SUMF1: variants seen among roughly 807,000 people sequenced by gnomAD.
SUMF1 encodes sulfatase modifying factor 1.
Under a neutral mutation model 47.6 loss-of-function variants are expected in SUMF1, and 48 were observed. The observed-to-expected ratio is 1.01, with a 90% CI of 0.80 to 1.28. The LOEUF is 1.28. Among genes scored for constraint, SUMF1 ranks in the 50% most tolerant of loss-of-function variants. SUMF1 has a pLI of 0.00. For synonymous variants in SUMF1, 230 were observed against 192.1 expected, an observed-to-expected ratio of 1.20 and a Z score of -1.63; for missense variants, 571 against 485.4, an observed-to-expected ratio of 1.18 and a Z score of -1.66.
Position 4,124,475 on chromosome 3 carries a change from C to T in SUMF1, c.1015-55730G>A, listed in dbSNP as rs536925587. ...ATGTAAAATTTTAATTGTTCTAATC[C>T]CTTCCCTGTTGATTTCTTGCTACAA... On this transcript the variant is annotated intron_variant and NMD_transcript_variant, in intron 8 of 12. Coordinates refer to the SUMF1 transcript ENST00000448413. Among the ~76,000 whole-genome samples, 213 of 152,062 alleles carry T rather than the reference C, an allele frequency of 1.4e-3. 1 individual carries two copies. The highest frequency in any genetic ancestry group is 4.9e-3 in the African/African-American group (204 of 41,462).
intron 8 of SUMF1, among the ~76,000 whole-genome samples, chr3:4,362,770 T>C (rs1398311156): frequency 1.3e-5 from 2 of 152,050 alleles, no homozygotes; most frequent in East Asian, 3.9e-4. Context: ...AAAAATTAGC[T>C]GAGCATGGTG....
chr3:4,264,820 C>T (rs1697155952), intron 8 of SUMF1, among the ~76,000 whole-genome samples: 1 of 152,120 alleles, frequency 6.6e-6, no homozygotes, highest in Admixed American at 6.6e-5. Context: ...AGTCTGACCC[C>T]AACTCTCATC....
chr3:4,235,831 T>C (rs1174335550), intron 8 of SUMF1, among the ~76,000 whole-genome samples: 2 of 152,086 alleles, frequency 1.3e-5, no homozygotes, highest in African/African-American at 4.8e-5. Context: ...CATTCAACGC[T>C]GCCCTGAATC....
In SUMF1 at chr3:4,364,766, G is replaced by A. The variant is rs1575135542; in HGVS notation, c.1015-2512C>T. Among the ~76,000 whole-genome samples the A allele has an allele frequency of 2.0e-5, 3 of 151,318 alleles. No individual in the cohort carries two copies. The South Asian group carries it at 6.3e-4, about 32-fold the overall frequency. ...TTTAGTTATTTCTTGCCTTCTGCTAGCTTTTGAATGTGTTTGCTCTTGCTT... is the reference window on the plus strand; with the variant it reads ...TTTAGTTATTTCTTGCCTTCTGCTAACTTTTGAATGTGTTTGCTCTTGCTT... On this transcript the variant is annotated intron_variant, in intron 8 of 8. Coordinates refer to ENST00000272902, the MANE Select transcript of SUMF1 (RefSeq NM_182760.4).
chr3:4,457,068 A>ACGTGTGTGTACATG, intron 1 of SUMF1, among the ~76,000 whole-genome samples: 1 of 118,972 alleles, frequency 8.4e-6, no homozygotes, highest in Non-Finnish European at 2.1e-5. Flanking sequence ...GTATATATAT[A>ACGTGTGTGTACATG]TATATACGTG....
At chr3:4,432,507 C>T (rs1482007876) in intron 3 of SUMF1, among the ~76,000 whole-genome samples, 1 of 152,142 alleles carries the variant, frequency 6.6e-6, no homozygotes, top group Non-Finnish European at 1.5e-5. Context: ...ACTTCTCCAA[C>T]CTAACCCTGA....
intron 8 of SUMF1, among the ~76,000 whole-genome samples, chr3:4,224,393 T>C (rs1696130820): frequency 6.6e-6 from 1 of 152,074 alleles, no homozygotes; most frequent in African/African-American, 2.4e-5. Flanking sequence ...AAGGCATATT[T>C]TGGTGGCAAG....
At chr3:4,206,319 C>T (rs761757361) in intron 8 of SUMF1, among the ~76,000 whole-genome samples, 5 of 151,976 alleles carry the variant, frequency 3.3e-5, no homozygotes, top group Non-Finnish European at 7.3e-5. Context: ...CCCAGCAAAG[C>T]ACCAGAACTT....
chr3:4,079,140 G>A (rs1220085202), intron 8 of SUMF1, among the ~76,000 whole-genome samples: 1 of 152,002 alleles, frequency 6.6e-6, no homozygotes, highest in East Asian at 1.9e-4. Context: ...CACTAACCGC[G>A]AATTCAAGAT....
chr3:4,149,019 C>T (rs948474978), intron 8 of SUMF1, among the ~76,000 whole-genome samples: 5 of 151,604 alleles, frequency 3.3e-5, no homozygotes, highest in South Asian at 4.2e-4. Context: ...ACGAGAGAGA[C>T]CTGAAGTTAG....
At chr3:4,150,724 A>G (rs2125104847) in intron 8 of SUMF1, among the ~76,000 whole-genome samples, 1 of 151,660 alleles carries the variant, frequency 6.6e-6, no homozygotes, top group South Asian at 2.1e-4. Context: ...CAACAGTGAT[A>G]CCACTATGAA....
At chr3:4,410,768 G>T in intron 7 of SUMF1, 97 bp downstream of exon 7, 2 of 1,074,824 alleles carry the variant, frequency 1.9e-6, no homozygotes, top group Non-Finnish European at 2.9e-6. Context: ...TCCAGAGTAT[G>T]TAAATACCCC....
At chr3:4,156,180 T>A (rs1694447913) in intron 8 of SUMF1, among the ~76,000 whole-genome samples, 2 of 151,210 alleles carry the variant, frequency 1.3e-5, no homozygotes, top group South Asian at 4.2e-4. Context: ...AAGAAAGGAG[T>A]CATAGGAATT....
chr3:4,195,865 A>G (rs1695415958), intron 8 of SUMF1, among the ~76,000 whole-genome samples: 1 of 152,104 alleles, frequency 6.6e-6, no homozygotes. Context: ...TATCTTATCT[A>G]TGAAAAAACA....
chr3:4,257,843 G>A (rs182187519), intron 8 of SUMF1, among the ~76,000 whole-genome samples: 2,044 of 151,396 alleles, frequency 0.014, 30 homozygotes, highest in Non-Finnish European at 0.02. Context: ...GAAGCATCAC[G>A]CTACCTGACT....
intron 9 of SUMF1, among the ~76,000 whole-genome samples, chr3:4,055,553 G>C (rs1252264465): frequency 6.6e-6 from 1 of 152,080 alleles, no homozygotes; most frequent in Non-Finnish European, 1.5e-5. Flanking sequence ...AGTGATCATA[G>C]CTCACTGTAA....
At chr3:4,381,218 T>C (rs1189986839) in intron 7 of SUMF1, among the ~76,000 whole-genome samples, 1 of 152,194 alleles carries the variant, frequency 6.6e-6, no homozygotes, top group East Asian at 1.9e-4. Context: ...ACTATTATTC[T>C]AAGTGTAGTA....
chr3:4,303,951 G>A, intron 8 of SUMF1: 2 of 1,005,062 alleles, frequency 2.0e-6, no homozygotes, highest in Non-Finnish European at 1.3e-6. Context: ...CTTAGCTGTG[G>A]TCTCCCTCAC....
intron 7 of SUMF1, among the ~76,000 whole-genome samples, chr3:4,394,366 C>G (rs978590844): frequency 1.3e-5 from 2 of 152,104 alleles, no homozygotes; most frequent in Non-Finnish European, 2.9e-5. Context: ...CTATGTTGCC[C>G]AGGCTGGTCT....
Sources: allele counts gnomAD v4.1 joint callset (sites outside exome capture counted in the v4.1 genomes callset), GRCh38; gene constraint gnomAD v4.1.1; transcripts MANE v1.5; gene names NCBI Gene and HGNC (gene_info 2026-07-23, HGNC 2026-07-21).